Variants in SCAI observed in about 807,000 individuals in gnomAD.
SCAI encodes suppressor of cancer cell invasion.
In SCAI, 24 loss-of-function variants were observed where a neutral mutation model predicts 92.2. The ratio of observed to expected loss-of-function variants is 0.26; its 90% CI spans 0.19 to 0.37. SCAI has a LOEUF of 0.37. SCAI is among the 10% of genes least tolerant of loss of function. The pLI, the probability that SCAI is intolerant of heterozygous loss-of-function variation, is 1.00. For missense variants in SCAI, 450 were observed against 736.2 expected (o/e 0.61, Z 4.50); for synonymous variants, 261 against 258.6 (o/e 1.01, Z -0.09).
intron 17 of SCAI, among the ~76,000 whole-genome samples, chr9:124,956,007 G>C (rs1188554739): frequency 1.3e-5 from 2 of 152,102 alleles, no homozygotes; most frequent in Non-Finnish European, 2.9e-5. Context: ...AAATAGAAGA[G>C]AATGAAGAAC....
chr9:124,976,842 G>T (rs1193967973), intron 14 of SCAI, among the ~76,000 whole-genome samples: 1 of 151,162 alleles, frequency 6.6e-6, no homozygotes, highest in African/African-American at 2.4e-5. Context: ...AAATACTCTT[G>T]AATGAAGACT....
At chr9:125,103,289 C>CTTT (rs1834715140) in intron 2 of SCAI, among the ~76,000 whole-genome samples, 1 of 152,160 alleles carries the variant, frequency 6.6e-6, no homozygotes, top group African/African-American at 2.4e-5. Flanking sequence ...CATCCACTAA[C>CTTT]ACAGGTAGTC....
intron 2 of SCAI, among the ~76,000 whole-genome samples, chr9:125,069,143 G>T (rs541713677): frequency 6.6e-6 from 1 of 151,698 alleles, no homozygotes; most frequent in African/African-American, 2.4e-5. Context: ...ACTTTAACCC[G>T]AGAGGCAGAG....
At chr9:125,123,316 T>C (rs1369266213) in intron 2 of SCAI, among the ~76,000 whole-genome samples, 1 of 149,174 alleles carries the variant, frequency 6.7e-6, no homozygotes, top group Non-Finnish European at 1.5e-5. Context: ...TGGGCTGAGA[T>C]TGCACCACTA....
intron 2 of SCAI, among the ~76,000 whole-genome samples, chr9:125,069,315 A>C (rs956982463): frequency 6.6e-6 from 1 of 151,634 alleles, no homozygotes; most frequent in Non-Finnish European, 1.5e-5. Flanking sequence ...TTTTGTTATG[A>C]GCTCAGATTT....
chr9:124,976,025 G>A (rs951108759), intron 15 of SCAI, 89 bp downstream of exon 15: 70 of 817,186 alleles, frequency 8.6e-5, no homozygotes, highest in South Asian at 1.3e-4. Flanking sequence ...CGATCATTAT[G>A]GGAGGAAAAA....
intron 2 of SCAI, among the ~76,000 whole-genome samples, chr9:125,084,963 C>T (rs756415751): frequency 1.1e-4 from 16 of 152,154 alleles, no homozygotes; most frequent in African/African-American, 1.4e-4. Flanking sequence ...CCCAAAGTCA[C>T]GCAGCTTACA....
intron 3 of SCAI, among the ~76,000 whole-genome samples, chr9:125,051,426 A>G (rs1211034657): frequency 6.6e-6 from 1 of 152,256 alleles, no homozygotes; most frequent in Non-Finnish European, 1.5e-5. Context: ...ATCAAAATTT[A>G]TCATTATTAG....
In SCAI at chr9:124,947,727, CAAAT is replaced by C. The variant is rs1464346297; in HGVS notation, c.*5076_*5079del. 2 of 152,098 alleles carry C rather than the reference CAAAT, an allele frequency of 1.3e-5. No individual in the cohort carries two copies. Among genetic ancestry groups the C allele is most frequent in the African/African-American group, 2.4e-5 (1 of 41,428 alleles). 9.4% of individuals were successfully genotyped at this position (152,098 alleles called of 1,614,324 possible). A position where few individuals can be genotyped will look rare whatever the true frequency, so the allele number is the denominator to read the frequency against. ...GCCATTACAAATAAAATAAGAATTT[CAAAT>C]AAATAAGGTCAACAAAAGAGCCCTC... On this transcript the variant is annotated 3_prime_UTR_variant, in exon 18 of 18. Coordinates refer to ENST00000336505, the MANE Select transcript of SCAI (RefSeq NM_001144877.3).
At chr9:125,030,582 T>C (rs952688027) in intron 3 of SCAI, among the ~76,000 whole-genome samples, 3 of 152,258 alleles carry the variant, frequency 2.0e-5, no homozygotes, top group Admixed American at 6.5e-5. Context: ...GAGTACGTTA[T>C]TGCCATAACA....
chr9:125,134,804 G>A (rs946422934), intron 2 of SCAI, among the ~76,000 whole-genome samples: 19 of 152,182 alleles, frequency 1.2e-4, no homozygotes, highest in Non-Finnish European at 2.5e-4. Context: ...AGCCTCCTGA[G>A]TAGCTGGGAT....
chr9:125,051,302 C>T (rs943885147), intron 3 of SCAI, among the ~76,000 whole-genome samples: 2 of 152,118 alleles, frequency 1.3e-5, no homozygotes, highest in East Asian at 1.9e-4. Flanking sequence ...GGATTACAGG[C>T]GTGAGCTACC....
At chr9:125,107,984 G>A (rs140153094) in intron 2 of SCAI, among the ~76,000 whole-genome samples, 2,978 of 145,590 alleles carry the variant, frequency 0.02, 94 homozygotes, top group African/African-American at 0.07. Context: ...GGCGCGCGCC[G>A]CCATGCCTGA....
At chr9:124,989,611 C>T (rs781022733) in intron 14 of SCAI, among the ~76,000 whole-genome samples, 2 of 151,976 alleles carry the variant, frequency 1.3e-5, no homozygotes, top group African/African-American at 2.4e-5. Context: ...AGTCCAGGCA[C>T]GATGGCTCAT....
At chr9:124,984,483 G>A (rs1164144034) in intron 14 of SCAI, among the ~76,000 whole-genome samples, 1 of 152,198 alleles carries the variant, frequency 6.6e-6, no homozygotes, top group Non-Finnish European at 1.5e-5. Flanking sequence ...ATGGTGGTAT[G>A]AGCCAGGATG....
chr9:125,121,729 T>C (rs1564422413), intron 2 of SCAI, among the ~76,000 whole-genome samples: 1 of 152,180 alleles, frequency 6.6e-6, no homozygotes, highest in East Asian at 1.9e-4. Context: ...GGCACACCCC[T>C]GTAGTCCCAG....
intron 2 of SCAI, among the ~76,000 whole-genome samples, chr9:125,138,325 G>A (rs1329067099): frequency 2.3e-4 from 34 of 145,292 alleles, no homozygotes; most frequent in Non-Finnish European, 4.0e-4. Context: ...GTGCAATCTC[G>A]GCTCACTGCA....
intron 15 of SCAI, among the ~76,000 whole-genome samples, chr9:124,973,561 G>A (rs909328096): frequency 1.3e-5 from 2 of 152,164 alleles, no homozygotes; most frequent in East Asian, 1.9e-4. Flanking sequence ...GGCCAGGCAC[G>A]GTGGCTCACG....
chr9:125,081,460 G>C (rs1834216461), intron 2 of SCAI, among the ~76,000 whole-genome samples: 1 of 152,208 alleles, frequency 6.6e-6, no homozygotes, highest in African/African-American at 2.4e-5. Flanking sequence ...CCCCTACCCT[G>C]GAGATCTGTG....
Sources: allele counts gnomAD v4.1 joint callset (sites outside exome capture counted in the v4.1 genomes callset), GRCh38; gene constraint gnomAD v4.1.1; transcripts MANE v1.5; gene names NCBI Gene and HGNC (gene_info 2026-07-23, HGNC 2026-07-21).